The following DOCK2 variants were observed in gnomAD, a reference collection of about 807,000 sequenced individuals.
DOCK2 encodes the protein dedicator of cytokinesis protein 2.
A neutral mutation model predicts 248.9 loss-of-function variants in DOCK2; 87 were observed. The observed-to-expected ratio is 0.35, with a 90% CI of 0.29 to 0.42. DOCK2 has a LOEUF of 0.42. Among genes scored for constraint, DOCK2 ranks in the 10% least tolerant of loss-of-function variants. The pLI is 1.00. For missense variants in DOCK2, 1,747 were observed against 2,300.2 expected, an observed-to-expected ratio of 0.76 and a Z score of 4.92; for synonymous variants, 805 against 821.6, an observed-to-expected ratio of 0.98 and a Z score of 0.35.
intron 22 of DOCK2, among the ~76,000 whole-genome samples, chr5:169,746,480 G>A (rs1763621128): frequency 6.6e-6 from 1 of 152,212 alleles, no homozygotes; most frequent in Admixed American, 6.5e-5. Flanking sequence ...AGCTTTTTGA[G>A]CGTGTAGGGC....
chr5:170,076,115 G>A (rs977853868), intron 47 of DOCK2, 31 bp downstream of exon 47: 4 of 1,610,730 alleles, frequency 2.5e-6, no homozygotes, highest in African/African-American at 2.7e-5. Context: ...TTGGAGGGGT[G>A]GGATTGTGCA....
intron 27 of DOCK2, among the ~76,000 whole-genome samples, chr5:169,908,570 C>T (rs1016331703): frequency 6.6e-6 from 1 of 152,026 alleles, no homozygotes; most frequent in African/African-American, 2.4e-5. Context: ...GGGTCCTGGA[C>T]GTTTTTGTCT....
chr5:169,736,286 C>A (rs1360882677), intron 22 of DOCK2, among the ~76,000 whole-genome samples: 1 of 152,134 alleles, frequency 6.6e-6, no homozygotes, highest in Non-Finnish European at 1.5e-5. Context: ...TCACTGGTTT[C>A]AGGCCAGGTA....
chr5:169,908,378 C>T (rs1774406705), intron 27 of DOCK2, among the ~76,000 whole-genome samples: 1 of 152,140 alleles, frequency 6.6e-6, no homozygotes, highest in African/African-American at 2.4e-5. Flanking sequence ...TAGGCATACT[C>T]ATACATGCTC....
intron 9 of DOCK2, among the ~76,000 whole-genome samples, chr5:169,690,270 TG>T (rs1252404771): frequency 6.6e-6 from 1 of 152,140 alleles, no homozygotes; most frequent in Non-Finnish European, 1.5e-5. Context: ...GGGAGAACAC[TG>T]TTTATGAGAT....
chr5:169,807,119 A>G (rs1383065450), intron 26 of DOCK2, among the ~76,000 whole-genome samples: 3 of 152,162 alleles, frequency 2.0e-5, no homozygotes, highest in Non-Finnish European at 2.9e-5. Flanking sequence ...CATCAAAAGC[A>G]GTAATACCTA....
At chr5:170,063,061 A>G (rs535299414) in intron 44 of DOCK2, among the ~76,000 whole-genome samples, 13 of 152,270 alleles carry the variant, frequency 8.5e-5, no homozygotes, top group Middle Eastern at 3.4e-3. Flanking sequence ...CTTCCACCCA[A>G]GGGCTATATT....
At chr5:169,732,470 A>G (rs1048971026) in intron 22 of DOCK2, among the ~76,000 whole-genome samples, 34 of 152,152 alleles carry the variant, frequency 2.2e-4, no homozygotes, top group Admixed American at 3.9e-4. Context: ...CCAGATCCAT[A>G]TATCCAATCA....
chr5:169,874,625 AC>A (rs2113473001), intron 27 of DOCK2, among the ~76,000 whole-genome samples: 2 of 151,892 alleles, frequency 1.3e-5, no homozygotes, highest in African/African-American at 4.8e-5. Flanking sequence ...TCTGCTGTTG[AC>A]CCTCTAGGGC....
At chr5:169,826,742 A>G (rs1768888412) in intron 26 of DOCK2, among the ~76,000 whole-genome samples, 1 of 152,172 alleles carries the variant, frequency 6.6e-6, no homozygotes, top group Admixed American at 6.5e-5. Flanking sequence ...GTTATTATAA[A>G]GCCTTATTTA....
intron 44 of DOCK2, 84 bp downstream of exon 44, chr5:170,057,750 A>G: frequency 8.2e-7 from 1 of 1,222,230 alleles, no homozygotes; most frequent in South Asian, 1.6e-5. Flanking sequence ...TTTGACTTTA[A>G]AAAGGAGACA....
At chr5:169,988,703 A>G (rs6861402) in intron 29 of DOCK2, among the ~76,000 whole-genome samples, 119,731 of 151,920 alleles carry the variant, frequency 0.79, 47,941 homozygotes, top group African/African-American at 0.95. Flanking sequence ...GTAGAGAAGG[A>G]GTTTCTCCCT....
Position 170,081,950 on chromosome 5 carries a change from C to G in DOCK2, c.5396C>G (p.Thr1799Arg). The change falls in exon 51 of 52, where the codon ACA (threonine) becomes AGA (arginine). Residue 1799 changes from threonine to arginine, a missense_variant. By Grantham distance (71) the Thr-to-Arg change is moderately conservative (BLOSUM62 -1). Coordinates refer to ENST00000520908, the MANE Select transcript of DOCK2 (RefSeq NM_004946.3). The part of the protein sequence containing the change: ...QLSDGDKKTL[T>R]RKKVNQFFKT... ...TCAGATGGTGACAAGAAGACACTCA[C>G]ACGGAAGAAGGTCAATCAGTTCTTC... 1 of 1,614,126 alleles carries G rather than the reference C, an allele frequency of 6.2e-7. No homozygotes were observed. Among genetic ancestry groups the G allele is most frequent in the Admixed American group, 1.7e-5 (1 of 60,020 alleles).
intron 24 of DOCK2, 163 bp from the exon 25 acceptor site, chr5:169,761,356 G>A: frequency 1.6e-6 from 1 of 633,010 alleles, no homozygotes; most frequent in Non-Finnish European, 2.8e-6. Context: ...TCTATACCAA[G>A]AACAACTTGT....
At chr5:170,007,575 T>G (rs533171674) in intron 30 of DOCK2, among the ~76,000 whole-genome samples, 4 of 152,346 alleles carry the variant, frequency 2.6e-5, no homozygotes, top group African/African-American at 9.6e-5. Context: ...GGCTCCGTGA[T>G]GAATCCATGG....
intron 30 of DOCK2, among the ~76,000 whole-genome samples, chr5:169,999,094 G>T (rs568588018): frequency 6.6e-6 from 1 of 152,280 alleles, no homozygotes; most frequent in South Asian, 2.1e-4. Context: ...TATTTTCCAT[G>T]CTCTTAGATG....
chr5:169,902,089 A>G (rs1471397970), intron 27 of DOCK2, among the ~76,000 whole-genome samples: 1 of 152,202 alleles, frequency 6.6e-6, no homozygotes, highest in Non-Finnish European at 1.5e-5. Flanking sequence ...CAAAAACACA[A>G]ATGAGGCTGC....
At chr5:169,781,059 C>G (rs542915549) in intron 25 of DOCK2, among the ~76,000 whole-genome samples, 1 of 152,274 alleles carries the variant, frequency 6.6e-6, no homozygotes, top group East Asian at 1.9e-4. Context: ...CTCAGGGTGC[C>G]GGGCGGAAAC....
At chr5:169,775,557 TTATA>T (rs950866210) in intron 25 of DOCK2, among the ~76,000 whole-genome samples, 4 of 152,118 alleles carry the variant, frequency 2.6e-5, no homozygotes, top group African/African-American at 9.7e-5. Flanking sequence ...AATATAATGT[TTATA>T]GAGTTTTAAT....
Sources: gnomAD v4.1 joint callset for allele counts (sites outside exome capture counted in the v4.1 genomes callset) on GRCh38, gnomAD v4.1.1 for gene constraint, MANE v1.5 for transcripts, NCBI Gene and HGNC (gene_info 2026-07-23, HGNC 2026-07-21) for gene names.